The following TMEM185A variants were observed in gnomAD, a reference collection of about 807,000 sequenced individuals.
TMEM185A encodes transmembrane protein 185A, also known as family with sequence similarity 11, member A.
Under a neutral mutation model 25.0 loss-of-function variants are expected in TMEM185A, and 9 were observed. The ratio of observed to expected loss-of-function variants is 0.36; its 90% CI spans 0.22 to 0.63. The LOEUF (loss-of-function observed/expected upper bound fraction) is 0.63. Among genes scored for constraint, TMEM185A ranks in the 20% least tolerant of loss-of-function variants. The pLI, the probability that TMEM185A is intolerant of heterozygous loss-of-function variation, is 0.68. For synonymous variants in TMEM185A, 45 were observed against 93.5 expected, an observed-to-expected ratio of 0.48 and a Z score of 2.99; for missense variants, 103 against 237.4, an observed-to-expected ratio of 0.43 and a Z score of 3.72.
At chrX:149,629,582 G>A (rs2090180897) in intron 1 of TMEM185A, among the ~76,000 whole-genome samples, 1 of 112,479 alleles carries the variant, frequency 8.9e-6, no homozygotes, top group African/African-American at 3.2e-5. Flanking sequence ...AAATGGCACA[G>A]TATAAAAGAC....
chrX:149,618,116 C>T (rs2090119913), intron 1 of TMEM185A, among the ~76,000 whole-genome samples: 1 of 111,233 alleles, frequency 9.0e-6, no homozygotes, highest in African/African-American at 3.3e-5. Flanking sequence ...TATACTATAC[C>T]GGCTTTACAC....
At chrX:149,631,154 G>A (rs1828247977) in intron 1 of TMEM185A, among the ~76,000 whole-genome samples, 1 of 110,272 alleles carries the variant, frequency 9.1e-6, no homozygotes, top group South Asian at 4.0e-4. Context: ...AGGGGTGTTG[G>A]GTCGAGTGAG....
intron 3 of TMEM185A, among the ~76,000 whole-genome samples, chrX:149,605,522 T>C (rs961790367): frequency 5.6e-5 from 6 of 106,868 alleles, no homozygotes; most frequent in Admixed American, 4.0e-4. Context: ...CCCATGTCAC[T>C]TTCTATGGCC....
chrX:149,631,459 C>T (rs1325130562), intron 1 of TMEM185A, 84 bp downstream of exon 1: 3 of 1,060,231 alleles, frequency 2.8e-6, no homozygotes, highest in African/African-American at 2.0e-5. Context: ...GCATCTCGCC[C>T]GCCGTGCCTC....
At chrX:149,606,699 C>T (rs2090053481) in intron 3 of TMEM185A, 1 of 112,624 alleles carries the variant, frequency 8.9e-6, no homozygotes, top group Non-Finnish European at 1.9e-5. Flanking sequence ...CTTCCCATCT[C>T]TGTATGAGCC....
At chrX:149,626,201 C>A (rs2090162154) in intron 1 of TMEM185A, among the ~76,000 whole-genome samples, 1 of 112,102 alleles carries the variant, frequency 8.9e-6, no homozygotes, top group Non-Finnish European at 1.9e-5. Context: ...CAAGAAGTCA[C>A]AGCTATTATT....
At chrX:149,622,309 A>T (rs2090143107) in intron 1 of TMEM185A, among the ~76,000 whole-genome samples, 1 of 112,225 alleles carries the variant, frequency 8.9e-6, no homozygotes, top group South Asian at 3.6e-4. Flanking sequence ...TAATTTTACA[A>T]TTTTTCTTTT....
chrX:149,613,727 G>A (rs782273261), intron 1 of TMEM185A, among the ~76,000 whole-genome samples: 5 of 112,342 alleles, frequency 4.5e-5, no homozygotes, highest in Non-Finnish European at 9.4e-5. Flanking sequence ...CCTTTGCCAT[G>A]TAAAATAATA....
intron 3 of TMEM185A, among the ~76,000 whole-genome samples, chrX:149,605,973 A>C (rs1447799852): frequency 8.9e-6 from 1 of 112,517 alleles, no homozygotes; most frequent in Non-Finnish European, 1.9e-5. Flanking sequence ...GCCAAAAGAA[A>C]TCCCTAATGT....
At position 149,631,718 on chromosome X, in the gene TMEM185A, T is replaced by TGCCGTCGCCGTC. The variant is rs1249418430; in HGVS notation, c.-150_-139dup. 19 of 593,342 alleles carry TGCCGTCGCCGTC rather than the reference T, an allele frequency of 3.2e-5. No individual in the cohort carries two copies. The highest frequency in any genetic ancestry group is 2.2e-4 in the East Asian group (4 of 18,333). The allele number at this position is 593,342 out of a possible 1,213,427, so 48.9% of individuals were successfully genotyped here. On this transcript the variant is annotated 5_prime_UTR_variant, in exon 1 of 7. Transcript: ENST00000600449. ...CTCCCGCTACTGCTGCCGTCCCCGC[T>TGCCGTCGCCGTC]GCCGTCGCCGTCGCCGTCGCCGCCG...
intron 2 of TMEM185A, among the ~76,000 whole-genome samples, chrX:149,610,111 C>T (rs951150496): frequency 5.4e-5 from 6 of 111,164 alleles, no homozygotes; most frequent in Non-Finnish European, 9.4e-5. Flanking sequence ...GAATCATTTT[C>T]ATATTTAGTA....
At chrX:149,614,208 A>T (rs1557354811) in intron 1 of TMEM185A, among the ~76,000 whole-genome samples, 1 of 112,121 alleles carries the variant, frequency 8.9e-6, no homozygotes, top group Non-Finnish European at 1.9e-5. Context: ...ATTTAAAAGG[A>T]CTGAAATCAT....
chrX:149,621,974 G>C (rs2090141632), intron 1 of TMEM185A, among the ~76,000 whole-genome samples: 1 of 111,833 alleles, frequency 8.9e-6, no homozygotes, highest in Non-Finnish European at 1.9e-5. Context: ...ATATTCCCTG[G>C]TTCCACGGAT....
rs73240498 is a variant in TMEM185A, at chrX:149,628,593, C to A, written c.38+2950G>T. ...TCTCTGTCACTATAGTTTCCAGAGC[C>A]TTGCCAACGCAGCAGTGGGTTCAGA... On this transcript the variant is annotated intron_variant, in intron 1 of 6. Transcript: ENST00000600449. Among the ~76,000 whole-genome samples, 962 of 112,184 alleles carry A rather than the reference C, an allele frequency of 8.6e-3. 12 individuals carry two copies. Among genetic ancestry groups the A allele is most frequent in the Non-Finnish European group, 0.014 (768 of 53,198 alleles).
At chrX:149,602,712 C>T (rs1048244312) in intron 4 of TMEM185A, among the ~76,000 whole-genome samples, 8 of 112,175 alleles carry the variant, frequency 7.1e-5, no homozygotes, top group East Asian at 5.5e-4. Context: ...GTATCTTATA[C>T]GAAAAAATTT....
intron 1 of TMEM185A, among the ~76,000 whole-genome samples, chrX:149,615,566 A>T (rs1475593320): frequency 4.5e-5 from 5 of 111,927 alleles, no homozygotes; most frequent in Non-Finnish European, 9.4e-5. Context: ...AAGTAATCTA[A>T]AAAAAAGCTA....
chrX:149,624,373 G>A (rs1557355823), intron 1 of TMEM185A, among the ~76,000 whole-genome samples: 1 of 112,309 alleles, frequency 8.9e-6, no homozygotes, highest in African/African-American at 3.2e-5. Flanking sequence ...AGAAGGGAGG[G>A]AGAGAGAGAA....
chrX:149,603,163 ATCTT>A (rs1200297166), intron 4 of TMEM185A, among the ~76,000 whole-genome samples: 2 of 111,734 alleles, frequency 1.8e-5, no homozygotes, highest in South Asian at 3.7e-4. Context: ...CTTGCCACTT[ATCTT>A]TCTATCTCTG....
intron 1 of TMEM185A, among the ~76,000 whole-genome samples, chrX:149,628,404 T>C (rs1440703607): frequency 1.8e-5 from 2 of 112,107 alleles, no homozygotes; most frequent in African/African-American, 6.5e-5. Flanking sequence ...AGGAAGGACT[T>C]GTTTGTGGGT....
Sources: gnomAD v4.1 joint callset for allele counts (sites outside exome capture counted in the v4.1 genomes callset) on GRCh38, gnomAD v4.1.1 for gene constraint, MANE v1.5 for transcripts, NCBI Gene and HGNC (gene_info 2026-07-23, HGNC 2026-07-21) for gene names.